Variants in BCKDHB observed in about 807,000 individuals in gnomAD.
BCKDHB encodes the protein branched chain keto acid dehydrogenase E1 subunit beta, also known as 2-oxoisovalerate dehydrogenase subunit beta, mitochondrial.
BCKDHB carries 41 observed loss-of-function variants against 48.5 expected under a neutral mutation model. The ratio of observed to expected loss-of-function variants is 0.85; its 90% CI spans 0.66 to 1.10. The LOEUF is 1.10. Among genes scored for constraint, BCKDHB ranks in the 50% least tolerant of loss-of-function variants. The probability of loss-of-function intolerance (pLI) is 0.00; values close to 1 mark genes in which losing one functional copy is unlikely to be tolerated. For missense variants in BCKDHB, 496 were observed against 494.2 expected (o/e 1.00, Z -0.03); for synonymous variants, 201 against 174.8 (o/e 1.15, Z -1.18).
chr6:80,114,512 G>C (rs1769582276), intron 1 of BCKDHB, among the ~76,000 whole-genome samples: 1 of 151,992 alleles, frequency 6.6e-6, no homozygotes, highest in Non-Finnish European at 1.5e-5. Context: ...GCCTCCCGAA[G>C]TGCTGGGATA....
intron 3 of BCKDHB, among the ~76,000 whole-genome samples, chr6:80,149,809 T>C (rs1209749253): frequency 8.2e-6 from 1 of 121,962 alleles, no homozygotes; most frequent in African/African-American, 3.2e-5. Flanking sequence ...AGGGGAACAT[T>C]ACACTCTGGG....
chr6:80,434,091 T>C, the BCKDHB span, among the ~76,000 whole-genome samples: 5 of 152,100 alleles, frequency 3.3e-5, no homozygotes, highest in Admixed American at 3.3e-4. Context: ...TTGGATAGTT[T>C]ATATATGTAT....
At chr6:80,199,068 C>T (rs1236940311) in intron 6 of BCKDHB, among the ~76,000 whole-genome samples, 1 of 152,164 alleles carries the variant, frequency 6.6e-6, no homozygotes, top group African/African-American at 2.4e-5. Context: ...GTGTCATCAG[C>T]TTCCAATTCA....
At chr6:80,156,387 C>G (rs1447209497) in intron 3 of BCKDHB, among the ~76,000 whole-genome samples, 1 of 152,016 alleles carries the variant, frequency 6.6e-6, no homozygotes, top group Non-Finnish European at 1.5e-5. Flanking sequence ...AGGAGCATCC[C>G]TGCTTGCCAC....
intron 8 of BCKDHB, among the ~76,000 whole-genome samples, chr6:80,266,539 G>A (rs1460732652): frequency 6.6e-6 from 1 of 152,042 alleles, no homozygotes; most frequent in Non-Finnish European, 1.5e-5. Flanking sequence ...GGAAGCTTGT[G>A]TTCAGTACTA....
the BCKDHB span, among the ~76,000 whole-genome samples, chr6:80,357,825 C>T: frequency 6.6e-6 from 1 of 152,210 alleles, no homozygotes; most frequent in Non-Finnish European, 1.5e-5. Flanking sequence ...GCCTGTGACC[C>T]AGCTGTTGTT....
intron 8 of BCKDHB, among the ~76,000 whole-genome samples, chr6:80,226,631 C>T (rs1775689956): frequency 6.6e-6 from 1 of 152,208 alleles, no homozygotes; most frequent in Non-Finnish European, 1.5e-5. Flanking sequence ...TCTAAATTCA[C>T]TCACCAGAAA....
rs542631003 is a variant in BCKDHB at position 80,340,748 on chromosome 6, G to A, written c.1039-2916G>A. On this transcript the variant is annotated intron_variant, in intron 9 of 9. Transcript: ENST00000320393. ...TTTGTCTTCATTAATCTACAAACTT[G>A]CCAGTGGGATTCGGTATTTTTTTTC... Among the ~76,000 whole-genome samples, 7 of 85,432 alleles carry A rather than the reference G, an allele frequency of 8.2e-5. No individual in the cohort carries two copies. In the South Asian group the frequency reaches 3.2e-3, roughly 39 times the overall value. 56.0% of individuals were successfully genotyped at this position (85,432 alleles called of 152,430 possible).
chr6:80,169,996 C>T, intron 5 of BCKDHB: 1 of 1,185,630 alleles, frequency 8.4e-7, no homozygotes, highest in Non-Finnish European at 1.1e-6. Flanking sequence ...TTCTGTCTGT[C>T]CCCTGCCTTC....
chr6:80,307,604 C>T, intron 9 of BCKDHB: 1 of 983,696 alleles, frequency 1.0e-6, no homozygotes. Context: ...AGATCGTCAA[C>T]AGAAAAAGTG....
chr6:80,277,148 C>T (rs561795411), intron 9 of BCKDHB, among the ~76,000 whole-genome samples: 6 of 151,970 alleles, frequency 3.9e-5, no homozygotes, highest in African/African-American at 1.4e-4. Flanking sequence ...AATTGTGCAC[C>T]GTAATTTGTG....
chr6:80,380,115 G>A, the BCKDHB span, among the ~76,000 whole-genome samples: 2 of 151,844 alleles, frequency 1.3e-5, no homozygotes, highest in Non-Finnish European at 1.5e-5. Context: ...ACAACAAAAA[G>A]CCCAAATAGC....
At chr6:80,280,477 A>G (rs920262619) in intron 9 of BCKDHB, among the ~76,000 whole-genome samples, 7 of 152,164 alleles carry the variant, frequency 4.6e-5, no homozygotes, top group African/African-American at 7.2e-5. Context: ...TTGGTCAACA[A>G]TGGACCACAT....
In BCKDHB at chr6:80,171,584, T is replaced by C. The variant is rs7772330; in HGVS notation, c.742+194T>C. On this transcript the variant is annotated intron_variant, in intron 6 of 9. Transcript: ENST00000320393. ...GGGAAAAATTCATCTAGCCATTTTA[T>C]ATTTTGATTGTGGAAACAAAGAGGA... is the stretch of plus-strand genomic sequence containing the variant. 9.4e-3 allele frequency among the ~76,000 whole-genome samples: 1,426 copies of C among 152,260 alleles called. 30 individuals carry two copies. The highest frequency in any genetic ancestry group is 0.033 in the African/African-American group (1,357 of 41,566).
At chr6:80,191,743 C>A (rs1373367576) in intron 6 of BCKDHB, among the ~76,000 whole-genome samples, 1 of 152,112 alleles carries the variant, frequency 6.6e-6, no homozygotes, top group African/African-American at 2.4e-5. Context: ...GTTGAAGACT[C>A]TTTTGACAAG....
At chr6:80,431,428 T>C in the BCKDHB span, among the ~76,000 whole-genome samples, 1 of 152,102 alleles carries the variant, frequency 6.6e-6, no homozygotes, top group Non-Finnish European at 1.5e-5. Context: ...GGTGTTAAAG[T>C]CTCCAACTAT....
Position 80,107,936 on chromosome 6 carries a change from C to A in BCKDHB, c.196+1047C>A, listed in dbSNP as rs536922430. 9.9e-5 allele frequency among the ~76,000 whole-genome samples: 15 copies of A among 152,210 alleles called. No individual in the cohort carries two copies. In the South Asian group the frequency reaches 3.1e-3, roughly 32 times the overall value. On this transcript the variant is annotated intron_variant, in intron 1 of 9. Coordinates refer to ENST00000320393, the MANE Select transcript of BCKDHB (RefSeq NM_183050.4). Reference sequence around the variant, plus strand: ...GTATTGCTTCCTTGTCTAATAACTTCTCATGTGCATGCTAGAGCTGACATT... The same window carrying A: ...GTATTGCTTCCTTGTCTAATAACTTATCATGTGCATGCTAGAGCTGACATT...
the BCKDHB span, among the ~76,000 whole-genome samples, chr6:80,416,153 T>C: frequency 2.0e-5 from 3 of 151,960 alleles, no homozygotes; most frequent in Non-Finnish European, 4.4e-5. Flanking sequence ...GTATTTGTCT[T>C]CTCTCTTTTC....
intron 6 of BCKDHB, among the ~76,000 whole-genome samples, chr6:80,175,794 A>T (rs1353566948): frequency 6.6e-6 from 1 of 152,236 alleles, no homozygotes; most frequent in Non-Finnish European, 1.5e-5. Flanking sequence ...AAACTGAAAG[A>T]TATAAGAAAT....
Sources: gnomAD v4.1 joint callset for allele counts (sites outside exome capture counted in the v4.1 genomes callset) on GRCh38, gnomAD v4.1.1 for gene constraint, MANE v1.5 for transcripts, NCBI Gene and HGNC (gene_info 2026-07-23, HGNC 2026-07-21) for gene names.